Variants in AOPEP observed in about 807,000 individuals in gnomAD.
The protein encoded by AOPEP is aminopeptidase O (putative).
Under a neutral mutation model 98.1 loss-of-function variants are expected in AOPEP, and 77 were observed. The observed-to-expected ratio is 0.78, with a 90% CI of 0.65 to 0.95. The LOEUF is 0.95. AOPEP is among the 40% of genes least tolerant of loss of function. The probability of loss-of-function intolerance (pLI) is 0.00; values close to 1 mark genes in which losing one functional copy is unlikely to be tolerated. For missense variants in AOPEP, 1,024 were observed against 1,024.7 expected (o/e 1.00, Z 0.01); for synonymous variants, 346 against 365.3 (o/e 0.95, Z 0.60).
intron 7 of AOPEP, among the ~76,000 whole-genome samples, chr9:94,939,054 C>T (rs1250884769): frequency 1.3e-5 from 2 of 152,112 alleles, no homozygotes; most frequent in African/African-American, 4.8e-5. Flanking sequence ...TCAAGACCAG[C>T]CTGCCCAATA....
At chr9:94,836,928 A>AT (rs1441533814) in intron 5 of AOPEP, among the ~76,000 whole-genome samples, 1 of 152,044 alleles carries the variant, frequency 6.6e-6, no homozygotes, top group African/African-American at 2.4e-5. Context: ...TTGTCTAATT[A>AT]TTTTTTAAAA....
At chr9:95,040,613 C>T (rs967597973) in intron 13 of AOPEP, among the ~76,000 whole-genome samples, 1 of 152,208 alleles carries the variant, frequency 6.6e-6, no homozygotes, top group Non-Finnish European at 1.5e-5. Context: ...GACCTTTCTC[C>T]CTCCCCTCCT....
chr9:95,140,475 A>AC, the AOPEP span, among the ~76,000 whole-genome samples: 5 of 144,922 alleles, frequency 3.5e-5, no homozygotes, highest in East Asian at 4.1e-4. Context: ...TATAGCTACA[A>AC]AAAAACAAAA....
At chr9:94,906,718 T>C (rs1050669433) in intron 5 of AOPEP, among the ~76,000 whole-genome samples, 5 of 152,202 alleles carry the variant, frequency 3.3e-5, no homozygotes, top group Non-Finnish European at 7.3e-5. Context: ...CCTGCTACAC[T>C]GTGACCTCCC....
At chr9:94,808,518 C>T (rs1304700861) in intron 5 of AOPEP, among the ~76,000 whole-genome samples, 1 of 152,144 alleles carries the variant, frequency 6.6e-6, no homozygotes, top group Non-Finnish European at 1.5e-5. Flanking sequence ...CAGAGTAGAA[C>T]ATGTTATATT....
chr9:95,001,640 G>A (rs906456789), intron 11 of AOPEP, among the ~76,000 whole-genome samples: 5 of 152,128 alleles, frequency 3.3e-5, no homozygotes, highest in Admixed American at 6.5e-5. Context: ...TATTTTTTCC[G>A]TGTCATGCAA....
chr9:95,126,810 T>C, the AOPEP span: 1 of 516,854 alleles, frequency 1.9e-6, no homozygotes, highest in African/African-American at 1.9e-5. Flanking sequence ...TGTATACTCC[T>C]GTATGTCCCA....
chr9:95,030,778 G>A (rs1008390034), intron 13 of AOPEP, among the ~76,000 whole-genome samples: 5 of 152,154 alleles, frequency 3.3e-5, no homozygotes, highest in African/African-American at 4.8e-5. Flanking sequence ...GTTTGTAGGC[G>A]CAATATGGAA....
rs536738677 is a variant in AOPEP at position 95,086,967 on chromosome 9, A to G, written c.*290A>G. ...AGTTCTTCTGCAGAGATGATTAAAT[A>G]TATCCAAGAGACATTGGAAAACCTG... On this transcript the variant is annotated 3_prime_UTR_variant, in exon 17 of 17. Coordinates refer to ENST00000375315, the MANE Select transcript of AOPEP (RefSeq NM_001193329.3). 1.8e-4 allele frequency: 182 copies of G among 987,022 alleles called. No individual in the cohort carries two copies. Among genetic ancestry groups the G allele is most frequent in the Non-Finnish European group, 2.1e-4 (175 of 829,670 alleles). 61.1% of individuals were successfully genotyped at this position (987,022 alleles called of 1,614,324 possible). A position where few individuals can be genotyped will look rare whatever the true frequency, so the allele number is the denominator to read the frequency against.
chr9:94,753,425 C>G (rs1320377904), intron 1 of AOPEP, among the ~76,000 whole-genome samples: 1 of 151,970 alleles, frequency 6.6e-6, no homozygotes, highest in East Asian at 1.9e-4. Context: ...TTCTAAGGTC[C>G]TTATATTGTT....
At chr9:94,887,421 T>C (rs560135666) in intron 5 of AOPEP, among the ~76,000 whole-genome samples, 73 of 152,248 alleles carry the variant, frequency 4.8e-4, no homozygotes, top group Non-Finnish European at 4.4e-5. Context: ...CATGGTATAA[T>C]GGCATAAGCA....
intron 2 of AOPEP, among the ~76,000 whole-genome samples, chr9:94,768,670 T>G (rs960877916): frequency 6.6e-6 from 1 of 152,250 alleles, no homozygotes; most frequent in Non-Finnish European, 1.5e-5. Flanking sequence ...TCTCACCCTG[T>G]CCTACCCTGT....
intron 7 of AOPEP, chr9:94,934,442 A>C (rs1464286074): frequency 1.3e-5 from 2 of 150,072 alleles, no homozygotes. Context: ...TCAGCCTCCC[A>C]AGTAGCTGGG....
At chr9:95,144,000 C>T in the AOPEP span, among the ~76,000 whole-genome samples, 1 of 152,162 alleles carries the variant, frequency 6.6e-6, no homozygotes, top group African/African-American at 2.4e-5. Flanking sequence ...CCAAAGACAC[C>T]AGCCAATTGT....
At chr9:94,909,406 A>G (rs937395479) in intron 5 of AOPEP, among the ~76,000 whole-genome samples, 10 of 150,028 alleles carry the variant, frequency 6.7e-5, no homozygotes, top group African/African-American at 2.4e-4. Context: ...GTAAACCATT[A>G]TGGTTATACA....
chr9:95,118,026 GT>G, the AOPEP span, among the ~76,000 whole-genome samples: 2 of 149,470 alleles, frequency 1.3e-5, no homozygotes, highest in African/African-American at 5.0e-5. Flanking sequence ...GCTTGTTTTT[GT>G]TTTTTTATTG....
chr9:94,770,898 G>A (rs1840713939), intron 2 of AOPEP, among the ~76,000 whole-genome samples: 1 of 152,140 alleles, frequency 6.6e-6, no homozygotes, highest in Non-Finnish European at 1.5e-5. Flanking sequence ...TAGGAGTAAG[G>A]GGTTGTAAAT....
chr9:94,767,646 C>T (rs1037989996), intron 2 of AOPEP, among the ~76,000 whole-genome samples: 1 of 152,210 alleles, frequency 6.6e-6, no homozygotes, highest in Non-Finnish European at 1.5e-5. Context: ...CCTATACCCA[C>T]AAGCACTTCC....
chr9:94,762,441 C>T (rs1177927114), intron 2 of AOPEP, among the ~76,000 whole-genome samples: 4 of 149,770 alleles, frequency 2.7e-5, no homozygotes, highest in Admixed American at 6.6e-5. Flanking sequence ...AGTGAGACTC[C>T]GTCTCAAAAA....
Sources: gnomAD v4.1 joint callset for allele counts (sites outside exome capture counted in the v4.1 genomes callset) on GRCh38, gnomAD v4.1.1 for gene constraint, MANE v1.5 for transcripts, NCBI Gene and HGNC (gene_info 2026-07-23, HGNC 2026-07-21) for gene names.